The following IGSF21 variants were observed in gnomAD, a reference collection of about 807,000 sequenced individuals.
IGSF21 encodes immunoglobin superfamily member 21.
Under a neutral mutation model 46.8 loss-of-function variants are expected in IGSF21, and 28 were observed. The observed-to-expected ratio is 0.60, with a 90% CI of 0.44 to 0.82. The LOEUF (loss-of-function observed/expected upper bound fraction) is 0.82. IGSF21 is among the 40% of genes least tolerant of loss of function. The pLI is 0.00. For missense variants in IGSF21, 624 were observed against 665.5 expected (o/e 0.94, Z 0.69); for synonymous variants, 284 against 273.6 (o/e 1.04, Z -0.38).
intron 4 of IGSF21, among the ~76,000 whole-genome samples, chr1:18,351,344 C>T: frequency 6.6e-6 from 1 of 152,192 alleles, no homozygotes; most frequent in East Asian, 1.9e-4. Context: ...CATCAGTGGA[C>T]TCAAGGACAC....
At chr1:18,320,301 C>T (rs1054454308) in intron 3 of IGSF21, among the ~76,000 whole-genome samples, 5 of 151,968 alleles carry the variant, frequency 3.3e-5, no homozygotes, top group Non-Finnish European at 7.4e-5. Flanking sequence ...GGCACCCTGG[C>T]CTGACCTTCC....
At chr1:18,120,399 G>T (rs1168222174) in intron 1 of IGSF21, among the ~76,000 whole-genome samples, 1 of 152,162 alleles carries the variant, frequency 6.6e-6, no homozygotes, top group African/African-American at 2.4e-5. Context: ...CCTTGATGGT[G>T]CCACCCATTG....
At chr1:18,203,460 C>T (rs937845625) in intron 1 of IGSF21, among the ~76,000 whole-genome samples, 9 of 152,052 alleles carry the variant, frequency 5.9e-5, no homozygotes, top group Admixed American at 2.6e-4. Flanking sequence ...AGGTGCATGC[C>T]GCCACACCTG....
intron 2 of IGSF21, among the ~76,000 whole-genome samples, chr1:18,261,794 G>A (rs1229537605): frequency 6.6e-6 from 1 of 152,178 alleles, no homozygotes; most frequent in African/African-American, 2.4e-5. Flanking sequence ...TCCTAGGCAG[G>A]GTTTCCCCTG....
intron 1 of IGSF21, among the ~76,000 whole-genome samples, chr1:18,156,973 C>T (rs1485255471): frequency 6.6e-6 from 1 of 152,042 alleles, no homozygotes; most frequent in Non-Finnish European, 1.5e-5. Context: ...AAAATGCAAA[C>T]ATTAGCCAGG....
chr1:18,185,394 G>A (rs1279661820), intron 1 of IGSF21, among the ~76,000 whole-genome samples: 1 of 152,204 alleles, frequency 6.6e-6, no homozygotes, highest in African/African-American at 2.4e-5. Flanking sequence ...AAGTATTAAA[G>A]TTAATGGTTG....
chr1:18,354,353 A>G (rs1441568458), intron 4 of IGSF21, among the ~76,000 whole-genome samples: 4 of 152,182 alleles, frequency 2.6e-5, no homozygotes, highest in Admixed American at 2.6e-4. Flanking sequence ...TTGAAGGAGC[A>G]GAGAGACAGG....
At chr1:18,347,666 C>A (rs1012683280) in intron 4 of IGSF21, among the ~76,000 whole-genome samples, 10 of 152,148 alleles carry the variant, frequency 6.6e-5, no homozygotes, top group South Asian at 2.1e-4. Flanking sequence ...GGGAGGGAAG[C>A]GAGGCCTTTG....
chr1:18,141,095 G>A (rs747722602), intron 1 of IGSF21, among the ~76,000 whole-genome samples: 1 of 152,156 alleles, frequency 6.6e-6, no homozygotes, highest in Non-Finnish European at 1.5e-5. Flanking sequence ...TCACCACCTC[G>A]GGGGTCACCC....
At chr1:18,142,476 T>A (rs2086423043) in intron 1 of IGSF21, among the ~76,000 whole-genome samples, 1 of 152,146 alleles carries the variant, frequency 6.6e-6, no homozygotes, top group South Asian at 2.1e-4. Flanking sequence ...CTTCTCCCCC[T>A]GCCCAAAATG....
chr1:18,132,261 A>C (rs746072138), intron 1 of IGSF21, among the ~76,000 whole-genome samples: 2 of 152,072 alleles, frequency 1.3e-5, no homozygotes, highest in Non-Finnish European at 2.9e-5. Context: ...ACCTATGACA[A>C]ACACACTGAC....
At chr1:18,312,571 A>G (rs1484521839) in intron 3 of IGSF21, among the ~76,000 whole-genome samples, 1 of 152,144 alleles carries the variant, frequency 6.6e-6, no homozygotes, top group Admixed American at 6.5e-5. Flanking sequence ...CAGCTTCTAG[A>G]GCCCACCCAC....
intron 1 of IGSF21, among the ~76,000 whole-genome samples, chr1:18,194,147 G>A (rs1487181939): frequency 6.6e-6 from 1 of 152,202 alleles, no homozygotes; most frequent in African/African-American, 2.4e-5. Context: ...AAACAGGTCA[G>A]TAGGGGAAGC....
chr1:18,257,817 T>A (rs1320638198), intron 2 of IGSF21, among the ~76,000 whole-genome samples: 1 of 152,162 alleles, frequency 6.6e-6, no homozygotes. Flanking sequence ...GAGGCTCTTC[T>A]CTTTGTCCAG....
At chr1:18,345,458 C>T (rs772528340) in intron 4 of IGSF21, among the ~76,000 whole-genome samples, 3 of 152,146 alleles carry the variant, frequency 2.0e-5, no homozygotes, top group Non-Finnish European at 4.4e-5. Context: ...AGTCTTAGCT[C>T]AATGCAACCT....
intron 1 of IGSF21, among the ~76,000 whole-genome samples, chr1:18,225,767 C>T (rs2084560293): frequency 1.3e-5 from 2 of 152,208 alleles, no homozygotes; most frequent in Admixed American, 6.5e-5. Flanking sequence ...GCCCATCCTC[C>T]ATCTTTAGGG....
chr1:18,173,528 T>C (rs1247011022), intron 1 of IGSF21, among the ~76,000 whole-genome samples: 2 of 152,316 alleles, frequency 1.3e-5, no homozygotes, highest in East Asian at 3.9e-4. Flanking sequence ...TTCCTGTCCC[T>C]GCAGTTTGGT....
intron 1 of IGSF21, among the ~76,000 whole-genome samples, chr1:18,139,877 G>A (rs1025278325): frequency 2.0e-5 from 3 of 152,182 alleles, no homozygotes; most frequent in African/African-American, 4.8e-5. Context: ...TAGGGCTCCT[G>A]GAAGCAGCTC....
At chr1:18,315,572 G>GATGGATGGATGGATGT (rs1362755565) in intron 3 of IGSF21, among the ~76,000 whole-genome samples, 2 of 152,018 alleles carry the variant, frequency 1.3e-5, no homozygotes, top group Non-Finnish European at 1.5e-5. Context: ...TGGATGGATG[G>GATGGATGGATGGATGT]ATGGGTGGAT....
Sources: allele counts gnomAD v4.1 joint callset (sites outside exome capture counted in the v4.1 genomes callset), GRCh38; gene constraint gnomAD v4.1.1; transcripts MANE v1.5; gene names NCBI Gene and HGNC (gene_info 2026-07-23, HGNC 2026-07-21).